TRIM29: variants seen among roughly 807,000 people sequenced by gnomAD.
TRIM29 encodes tripartite motif-containing protein 29.
In TRIM29, 52 loss-of-function variants were observed where a neutral mutation model predicts 57.3. That is an observed-to-expected ratio of 0.91 (90% confidence interval 0.73 to 1.14). TRIM29 has a LOEUF of 1.14. Ranked by LOEUF, TRIM29 falls within the 50% of genes most tolerant of loss-of-function variation. The pLI is 0.00. For synonymous variants in TRIM29, 319 were observed against 316.9 expected (o/e 1.01, Z -0.07); for missense variants, 753 against 774.6 (o/e 0.97, Z 0.33).
intron 4 of TRIM29, 177 bp from the exon 5 acceptor site, chr11:120,123,232 C>A: frequency 1.4e-6 from 1 of 702,068 alleles, no homozygotes. Context: ...CACTCGGTTC[C>A]TGAGCTCTTG....
At chr11:120,121,560 TC>T (rs1448276465) in intron 5 of TRIM29, 1 of 155,772 alleles carries the variant, frequency 6.4e-6, no homozygotes, top group Non-Finnish European at 1.4e-5. Context: ...ACCTGTTTCT[TC>T]CATCACAGAC....
At chr11:120,130,134 G>A (rs1863689058) in intron 1 of TRIM29, among the ~76,000 whole-genome samples, 1 of 152,244 alleles carries the variant, frequency 6.6e-6, no homozygotes, top group Admixed American at 6.5e-5. Flanking sequence ...GGAAACACAG[G>A]CTGGCAGATC....
At chr11:120,135,782 C>G (rs1863803608) in intron 1 of TRIM29, among the ~76,000 whole-genome samples, 1 of 152,076 alleles carries the variant, frequency 6.6e-6, no homozygotes, top group Non-Finnish European at 1.5e-5. Flanking sequence ...CCAGCTCCTC[C>G]TGGTCAGGAA....
At chr11:120,126,077 T>C (rs958242352) in intron 3 of TRIM29, 188 bp from the exon 4 acceptor site, 2 of 615,160 alleles carry the variant, frequency 3.3e-6, no homozygotes, top group Non-Finnish European at 5.6e-6. Flanking sequence ...CTAACATCCC[T>C]GATGGCACTA....
chr11:120,119,046 T>C lies in TRIM29; in HGVS notation c.1529-725A>G, dbSNP rs181409585. Among the ~76,000 whole-genome samples the C allele has an allele frequency of 3.1e-4, 47 of 152,264 alleles. No homozygotes were observed. In the East Asian group the frequency reaches 8.3e-3, roughly 27 times the overall value. On this transcript the variant is annotated intron_variant, in intron 6 of 8. Coordinates refer to ENST00000341846, the MANE Select transcript of TRIM29 (RefSeq NM_012101.4). Reference sequence around the variant, plus strand: ...TTGTATGGTTGATGGATAGAATGCATGAACCAACGAACGAATGAATACAAA... The same window carrying C: ...TTGTATGGTTGATGGATAGAATGCACGAACCAACGAACGAATGAATACAAA...
intron 4 of TRIM29, 117 bp downstream of exon 4, chr11:120,125,574 G>T: frequency 9.4e-7 from 1 of 1,061,030 alleles, no homozygotes; most frequent in Non-Finnish European, 1.4e-6. Context: ...AGGGTGGGTG[G>T]GTGGGTGGGA....
chr11:120,122,866 G>T, intron 5 of TRIM29, 88 bp downstream of exon 5: 1 of 1,057,226 alleles, frequency 9.5e-7, no homozygotes, highest in South Asian at 1.4e-5. Flanking sequence ...CACTCAGAAG[G>T]AACCTGGCTG....
intron 1 of TRIM29, among the ~76,000 whole-genome samples, chr11:120,130,538 C>G (rs971441898): frequency 2.0e-5 from 3 of 152,198 alleles, no homozygotes; most frequent in Admixed American, 2.0e-4. Context: ...GAGCACAGGA[C>G]AGCAGGTGCC....
chr11:120,133,535 CT>C (rs1453115958), intron 1 of TRIM29, among the ~76,000 whole-genome samples: 4 of 152,118 alleles, frequency 2.6e-5, no homozygotes, highest in Admixed American at 6.5e-5. Context: ...AGAGGCCCCC[CT>C]ACCTCCTTTC....
At chr11:120,114,551 G>A (rs1472530792) in intron 8 of TRIM29, among the ~76,000 whole-genome samples, 2 of 152,216 alleles carry the variant, frequency 1.3e-5, no homozygotes, top group Admixed American at 1.3e-4. Flanking sequence ...CCACGGCAGT[G>A]GCCGACTCCT....
Position 120,137,590 on chromosome 11 carries a change from T to G in TRIM29, c.442A>C (p.Thr148Pro). The change falls in exon 1 of 9, where the codon ACC becomes CCC. Residue 148 changes from threonine (T) to proline (P), a missense_variant. Physicochemically the swap from Thr to Pro is conservative, Grantham distance 38. Transcript: ENST00000341846. This position sits in a 1 kb window ranked among gnomAD's most constrained non-coding sequence, Gnocchi z 6.2. ...PTVSIMEPGE[T>P]RRNSYPRADT... The stretch of plus-strand genomic sequence containing the variant: ...GCCCGGGGGTAGCTGTTCCGCCGGG[T>G]CTCCCCGGGCTCCATGATGGACACC... The G allele has an allele frequency of 6.2e-7, 1 of 1,612,552 alleles. No homozygotes were observed. Among genetic ancestry groups the G allele is most frequent in the African/African-American group, 1.3e-5 (1 of 74,808 alleles).
intron 4 of TRIM29, 123 bp downstream of exon 4, chr11:120,125,564 AGGGT>A (rs1347484071): frequency 1.4e-4 from 120 of 827,730 alleles, no homozygotes; most frequent in Non-Finnish European, 1.9e-4. Context: ...GGCCTGAGGA[AGGGT>A]GGGTGGGTGG....
At chr11:120,127,275 G>A (rs1025804469) in intron 3 of TRIM29, 61 bp downstream of exon 3, 5 of 1,452,132 alleles carry the variant, frequency 3.4e-6, no homozygotes, top group African/African-American at 1.4e-5. Context: ...ATGTTGGAGG[G>A]GGGTCTCAAA....
chr11:120,132,081 G>C (rs921504266), intron 1 of TRIM29, among the ~76,000 whole-genome samples: 3 of 151,666 alleles, frequency 2.0e-5, no homozygotes, highest in African/African-American at 7.3e-5. Context: ...GGCGCACCTA[G>C]AGGTGGTGGC....
At chr11:120,113,583 C>T (rs1315938111) in intron 8 of TRIM29, 4 of 455,772 alleles carry the variant, frequency 8.8e-6, no homozygotes, top group African/African-American at 8.0e-5. Flanking sequence ...GAACTGACAC[C>T]TCCTGGTCAG....
intron 1 of TRIM29, among the ~76,000 whole-genome samples, chr11:120,133,404 G>T (rs1184309869): frequency 6.6e-6 from 1 of 152,224 alleles, no homozygotes; most frequent in Non-Finnish European, 1.5e-5. Context: ...TGCTGGGCCC[G>T]GCACTGGCAC....
intron 8 of TRIM29, among the ~76,000 whole-genome samples, chr11:120,114,516 C>T (rs1330546902): frequency 6.6e-6 from 1 of 152,242 alleles, no homozygotes; most frequent in African/African-American, 2.4e-5. Flanking sequence ...CTGGTTCCAG[C>T]AGAGCTCCTG....
chr11:120,127,000 C>T (rs1591326927), intron 3 of TRIM29, among the ~76,000 whole-genome samples: 1 of 152,204 alleles, frequency 6.6e-6, no homozygotes, highest in South Asian at 2.1e-4. Flanking sequence ...AGCACTCCTA[C>T]ACCACTCCCC....
At chr11:120,117,770 G>A (rs531625139) in intron 7 of TRIM29, 7 of 190,028 alleles carry the variant, frequency 3.7e-5, no homozygotes, top group Non-Finnish European at 5.5e-5. Flanking sequence ...ACTTAGGGTC[G>A]TCTGGTCCTG....
Sources: gnomAD v4.1 joint callset for allele counts (sites outside exome capture counted in the v4.1 genomes callset) on GRCh38, gnomAD v4.1.1 for gene constraint, Gnocchi (gnomAD v3.1) non-coding constraint, MANE v1.5 for transcripts, NCBI Gene and HGNC (gene_info 2026-07-23, HGNC 2026-07-21) for gene names.